The following CAB39L variants were observed in gnomAD, a reference collection of about 807,000 sequenced individuals.
CAB39L encodes calcium binding protein 39 like, also known as calcium-binding protein 39-like.
A neutral mutation model predicts 39.1 loss-of-function variants in CAB39L; 23 were observed. That is an observed-to-expected ratio of 0.59 (90% CI 0.42 to 0.83). The LOEUF (loss-of-function observed/expected upper bound fraction) is 0.83. Ranked by LOEUF, CAB39L falls within the 40% of genes least tolerant of loss-of-function variation. The pLI, the probability that CAB39L is intolerant of heterozygous loss-of-function variation, is 0.00. For synonymous variants in CAB39L, 126 were observed against 137.2 expected (o/e 0.92, Z 0.57); for missense variants, 366 against 391.9 (o/e 0.93, Z 0.56).
chr13:49,399,597 T>C (rs1015634081), intron 3 of CAB39L, among the ~76,000 whole-genome samples: 1 of 152,020 alleles, frequency 6.6e-6, no homozygotes, highest in Non-Finnish European at 1.5e-5. Context: ...GGAAAATGGG[T>C]TCTAAATTTC....
chr13:49,410,315 T>A (rs1273362084), intron 3 of CAB39L, among the ~76,000 whole-genome samples: 5 of 152,216 alleles, frequency 3.3e-5, no homozygotes, highest in African/African-American at 4.8e-5. Flanking sequence ...GTTAAGAACA[T>A]AAGATACCTT....
intron 5 of CAB39L, among the ~76,000 whole-genome samples, chr13:49,363,703 A>C (rs1955693086): frequency 6.6e-6 from 1 of 151,848 alleles, no homozygotes; most frequent in African/African-American, 2.4e-5. Context: ...CAAAAGACAT[A>C]AAGTGGCTAC....
intron 7 of CAB39L, among the ~76,000 whole-genome samples, chr13:49,350,269 C>T (rs1021252545): frequency 6.6e-6 from 1 of 152,166 alleles, no homozygotes. Flanking sequence ...TTAAAAATTT[C>T]ATTCATAAAA....
intron 1 of CAB39L, among the ~76,000 whole-genome samples, chr13:49,440,758 G>A (rs1957502419): frequency 7.6e-6 from 1 of 131,022 alleles, no homozygotes; most frequent in African/African-American, 3.0e-5. Flanking sequence ...GTGTGTGTGT[G>A]TATGGCTATC....
At chr13:49,345,200 TA>T (rs1955113307) in intron 7 of CAB39L, among the ~76,000 whole-genome samples, 1 of 152,170 alleles carries the variant, frequency 6.6e-6, no homozygotes, top group Admixed American at 6.5e-5. Context: ...CATATTTAAT[TA>T]AAATTTCCTA....
At chr13:49,332,201 G>T in intron 9 of CAB39L, 111 bp from the exon 10 acceptor site, 2 of 1,325,696 alleles carry the variant, frequency 1.5e-6, no homozygotes, top group Non-Finnish European at 2.1e-6. Flanking sequence ...GAATGGTGTT[G>T]TGAAAAAAAT....
Position 49,332,046 on chromosome 13 carries a change from C to G in CAB39L, c.735G>C (p.Met245Ile), listed in dbSNP as rs2138394162. 6.2e-7 allele frequency: 1 copy of G among 1,614,110 alleles called. No homozygotes were observed. The highest frequency in any genetic ancestry group is 2.2e-5 in the East Asian group (1 of 44,882). The change falls in exon 10 of 11, where the codon ATG (methionine) becomes ATC (isoleucine). Residue 245 changes from methionine (M) to isoleucine (I), a missense_variant. By Grantham distance (10) the Met-to-Ile change is conservative (BLOSUM62 1). Coordinates refer to ENST00000409308, the MANE Select transcript of CAB39L (RefSeq NM_001079670.3). Reference sequence around the variant, plus strand: ...TCTCCGGCTTGCTGATATACTTTGTCATGATGGCAAAGTTGTGACGGTCCA... The same window carrying G: ...TCTCCGGCTTGCTGATATACTTTGTGATGATGGCAAAGTTGTGACGGTCCA... ...LILDRHNFAIMTKYISKPENL... is the reference protein window; with the variant it reads ...LILDRHNFAIITKYISKPENL...
chr13:49,330,437 C>G (rs745321447), intron 10 of CAB39L, among the ~76,000 whole-genome samples: 4 of 151,974 alleles, frequency 2.6e-5, no homozygotes, highest in Non-Finnish European at 5.9e-5. Context: ...CCAGCCTGGG[C>G]AACACAGCAA....
intron 10 of CAB39L, among the ~76,000 whole-genome samples, chr13:49,314,929 T>C (rs1459063831): frequency 6.6e-6 from 1 of 152,192 alleles, no homozygotes; most frequent in Admixed American, 6.5e-5. Context: ...GTAGAACACA[T>C]ACATTGTTGC....
intron 6 of CAB39L, chr13:49,351,156 G>C (rs553147573): frequency 3.6e-5 from 12 of 331,094 alleles, no homozygotes; most frequent in African/African-American, 2.2e-4. Context: ...AGCTGGGGGT[G>C]GGGGGATGAG....
chr13:49,436,085 T>C (rs1460124863), intron 1 of CAB39L, among the ~76,000 whole-genome samples: 1 of 152,270 alleles, frequency 6.6e-6, no homozygotes, highest in Non-Finnish European at 1.5e-5. Context: ...CTTTGGCTTA[T>C]ACTTTCGTAG....
chr13:49,411,269 G>A (rs1462833215), intron 3 of CAB39L, among the ~76,000 whole-genome samples: 2 of 151,778 alleles, frequency 1.3e-5, no homozygotes, highest in East Asian at 3.9e-4. Context: ...TATCAGCTGG[G>A]CATGGCGGTG....
chr13:49,368,856 G>A (rs1405158646), intron 5 of CAB39L, among the ~76,000 whole-genome samples: 1 of 152,114 alleles, frequency 6.6e-6, no homozygotes, highest in Non-Finnish European at 1.5e-5. Context: ...AATGATTGCT[G>A]AAAAAGAGCA....
chr13:49,378,453 GT>G, intron 4 of CAB39L, among the ~76,000 whole-genome samples: 1 of 68,946 alleles, frequency 1.5e-5, no homozygotes, highest in Non-Finnish European at 2.9e-5. Context: ...CCGTCGGGAG[GT>G]GAGGGGTGCC....
intron 3 of CAB39L, among the ~76,000 whole-genome samples, chr13:49,392,443 C>T (rs1007698141): frequency 3.3e-5 from 5 of 151,996 alleles, no homozygotes; most frequent in African/African-American, 1.2e-4. Context: ...TTGAGACCAG[C>T]CTGGCCAACA....
intron 1 of CAB39L, among the ~76,000 whole-genome samples, chr13:49,436,553 C>CTTTTTTTTTT (rs57141770): frequency 1.4e-5 from 1 of 73,466 alleles, no homozygotes; most frequent in Non-Finnish European, 2.3e-5. Context: ...TTCTTTATGA[C>CTTTTTTTTTT]TTTTTTTTTT....
intron 3 of CAB39L, among the ~76,000 whole-genome samples, chr13:49,419,696 A>C (rs1022022268): frequency 1.3e-5 from 2 of 152,090 alleles, no homozygotes; most frequent in African/African-American, 4.8e-5. Context: ...AACAACAAAA[A>C]CCCCAAACTT....
At chr13:49,378,087 G>A (rs1177003405) in intron 4 of CAB39L, among the ~76,000 whole-genome samples, 3 of 69,556 alleles carry the variant, frequency 4.3e-5, no homozygotes, top group South Asian at 1.1e-3. Context: ...CGGCCGCCCC[G>A]TCTGAGAAGT....
At chr13:49,370,751 C>T (rs912965808) in intron 5 of CAB39L, among the ~76,000 whole-genome samples, 1 of 152,198 alleles carries the variant, frequency 6.6e-6, no homozygotes, top group Non-Finnish European at 1.5e-5. Flanking sequence ...TGGTCACTGT[C>T]TTAATTTTAT....
Sources: allele counts gnomAD v4.1 joint callset (sites outside exome capture counted in the v4.1 genomes callset), GRCh38; gene constraint gnomAD v4.1.1; transcripts MANE v1.5; gene names NCBI Gene and HGNC (gene_info 2026-07-23, HGNC 2026-07-21).